Variants in CHN1 observed in about 807,000 individuals in gnomAD.
CHN1 encodes the protein chimerin 1.
A neutral mutation model predicts 59.5 loss-of-function variants in CHN1; 37 were observed. The ratio of observed to expected loss-of-function variants is 0.62; its 90% CI spans 0.48 to 0.82. The LOEUF is 0.82. Ranked by LOEUF, CHN1 falls within the 40% of genes least tolerant of loss-of-function variation. The pLI is 0.00. For missense variants in CHN1, 469 were observed against 571.0 expected (o/e 0.82, Z 1.82); for synonymous variants, 206 against 200.4 (o/e 1.03, Z -0.24).
intron 1 of CHN1, among the ~76,000 whole-genome samples, chr2:174,953,868 A>G (rs1269240070): frequency 1.3e-5 from 2 of 152,146 alleles, no homozygotes; most frequent in Non-Finnish European, 2.9e-5. Flanking sequence ...CCATACTACC[A>G]AAAGTAATCT....
chr2:174,934,914 T>C (rs181640122), intron 3 of CHN1, among the ~76,000 whole-genome samples: 47 of 152,312 alleles, frequency 3.1e-4, no homozygotes, highest in African/African-American at 9.4e-4. Context: ...TTCTTTTCAC[T>C]TATCACAAGG....
intron 5 of CHN1, among the ~76,000 whole-genome samples, chr2:174,888,410 G>A (rs762611445): frequency 2.0e-4 from 31 of 152,132 alleles, no homozygotes; most frequent in Non-Finnish European, 2.4e-4. Context: ...ACCATAAGGC[G>A]GCGATTGTAG....
At chr2:174,943,676 CCTT>C (rs1251164504) in intron 3 of CHN1, among the ~76,000 whole-genome samples, 4 of 152,140 alleles carry the variant, frequency 2.6e-5, no homozygotes, top group East Asian at 1.9e-4. Flanking sequence ...TTCATCCACT[CCTT>C]ATCATATTAT....
intron 7 of CHN1, among the ~76,000 whole-genome samples, chr2:174,825,680 C>A (rs1428871595): frequency 1.3e-5 from 2 of 152,140 alleles, no homozygotes; most frequent in Non-Finnish European, 2.9e-5. Context: ...ACAATTGATT[C>A]CAACATATCT....
chr2:174,877,976 G>A lies in CHN1; in HGVS notation c.413C>T (p.Thr138Met), dbSNP rs200087044. 74 of 1,613,582 alleles carry A rather than the reference G, an allele frequency of 4.6e-5. No homozygotes were observed. The highest frequency in any genetic ancestry group is 1.6e-4 in the Middle Eastern group (1 of 6,084). Residue 138 changes from threonine to methionine, a missense_variant, in exon 6 of 13, where the codon ACG becomes ATG. By Grantham distance (81) the Thr-to-Met change is moderately conservative. Around this residue, in one of 5 missense-constraint regions of CHN1, gnomAD observed 8 missense variants for 25.4 expected, o/e 0.32. Transcript: ENST00000409900. ...TACGTGCTCATAAATTGGGTTTATC[G>A]TCATCTTGGCAATGTATTCTGCTGC... ...TKAAEYIAKMTINPIYEHVGY... is the reference protein window; with the variant it reads ...TKAAEYIAKMMINPIYEHVGY...
chr2:174,952,189 A>G lies in CHN1; in HGVS notation c.33T>C (p.Tyr11=). The change falls in exon 2 of 13, where the codon TAT becomes TAC. Residue 11 remains tyrosine (Y), a synonymous_variant. Coordinates refer to ENST00000409900, the MANE Select transcript of CHN1 (RefSeq NM_001822.7). ...AGTAAGATTTCCAAACAGGAGGTCT[A>G]TATTCATCTGTATCTGAAAGAAAAA... MALTLFDTDE[Y]RPPVWKSYLY... The G allele has an allele frequency of 6.8e-7, 1 of 1,467,072 alleles. No homozygotes were observed. Among genetic ancestry groups the G allele is most frequent in the Non-Finnish European group, 9.0e-7 (1 of 1,106,834 alleles). 90.9% of individuals were successfully genotyped at this position (1,467,072 alleles called of 1,614,324 possible).
intron 1 of CHN1, among the ~76,000 whole-genome samples, chr2:174,961,759 T>G (rs952580244): frequency 6.6e-6 from 1 of 152,160 alleles, no homozygotes; most frequent in African/African-American, 2.4e-5. Context: ...GACAGCTGGA[T>G]TCTCATATCT....
chr2:174,902,886 C>T (rs1051359533), intron 5 of CHN1, among the ~76,000 whole-genome samples: 2 of 152,170 alleles, frequency 1.3e-5, no homozygotes, highest in African/African-American at 4.8e-5. Context: ...TGGCCAAGCT[C>T]ACTTTATAAG....
chr2:174,842,383 G>A (rs368284144), intron 7 of CHN1, among the ~76,000 whole-genome samples: 3 of 151,954 alleles, frequency 2.0e-5, no homozygotes, highest in Admixed American at 6.6e-5. Flanking sequence ...TCAAATCAAC[G>A]TATTGAAAAT....
rs1380114873 is a variant in CHN1, at chr2:174,800,278, G to A, written c.1218C>T (p.Leu406=). 2 of 1,434,204 alleles carry A rather than the reference G, an allele frequency of 1.4e-6. No homozygotes were observed. The highest frequency in any genetic ancestry group is 2.8e-5 in the African/African-American group (2 of 70,190). The allele number at this position is 1,434,204 out of a possible 1,614,324, so 88.8% of individuals were successfully genotyped here. A position where few individuals can be genotyped will look rare whatever the true frequency, so the allele number is the denominator to read the frequency against. Reference sequence around the variant, plus strand: ...CATTCATAAGATTCTCCTTTTCGTGGAGGGTCACTCTGAAAAATGCAAGTA... The same window carrying A: ...CATTCATAAGATTCTCCTTTTCGTGAAGGGTCACTCTGAAAAATGCAAGTA... ...YLMAHLKRVT[L]HEKENLMNAE... Residue 406 remains leucine (L), a synonymous_variant, in exon 13 of 13, where the codon CTC becomes CTT. Transcript: ENST00000409900.
chr2:174,826,098 G>A lies in CHN1; in HGVS notation c.628-1580C>T, dbSNP rs564794783. 2.6e-4 allele frequency among the ~76,000 whole-genome samples: 40 copies of A among 152,286 alleles called. No homozygotes were observed. In the South Asian group the frequency reaches 8.1e-3, roughly 31 times the overall value. ...CTCTTTGCTGTTGCCAACTGAGTCTGAGTACAAAATTTTATGTTGATTTTG... is the reference window on the plus strand; with the variant it reads ...CTCTTTGCTGTTGCCAACTGAGTCTAAGTACAAAATTTTATGTTGATTTTG... On this transcript the variant is annotated intron_variant, in intron 7 of 12. Transcript: ENST00000409900.
intron 11 of CHN1, among the ~76,000 whole-genome samples, chr2:174,806,113 A>G (rs555185806): frequency 4.0e-4 from 61 of 152,130 alleles, no homozygotes; most frequent in African/African-American, 1.3e-3. Flanking sequence ...TAGGGCAGCA[A>G]TGTCTTAACT....
In CHN1 at chr2:174,982,823, CT is replaced by C. The variant is rs199978122; in HGVS notation, c.19+22070del. On this transcript the variant is annotated intron_variant, in intron 1 of 12. Coordinates refer to ENST00000409900, the MANE Select transcript of CHN1 (RefSeq NM_001822.7). Reference sequence around the variant, plus strand: ...GTTATATATCAAGAAATATTGTGTTCTTTTTTTAATTTAAAATTTAAAACAT... The same window carrying C: ...GTTATATATCAAGAAATATTGTGTTCTTTTTTAATTTAAAATTTAAAACAT... Among the ~76,000 whole-genome samples the C allele has an allele frequency of 5.9e-3, 904 of 152,096 alleles. 4 individuals are homozygous for C. Among genetic ancestry groups the C allele is most frequent in the Non-Finnish European group, 9.0e-3 (612 of 67,968 alleles).
intron 3 of CHN1, among the ~76,000 whole-genome samples, chr2:174,933,323 C>A (rs1689406369): frequency 6.6e-6 from 1 of 151,730 alleles, no homozygotes; most frequent in Non-Finnish European, 1.5e-5. Flanking sequence ...TTGGGGGCAC[C>A]CCAAAATCAA....
chr2:175,000,253 T>C (rs1025430512), intron 1 of CHN1, among the ~76,000 whole-genome samples: 2 of 151,394 alleles, frequency 1.3e-5, no homozygotes, highest in Non-Finnish European at 2.9e-5. Flanking sequence ...GCGATTCTCC[T>C]GCTTCAGCCT....
At chr2:174,968,446 G>C (rs192717315) in intron 1 of CHN1, among the ~76,000 whole-genome samples, 35 of 152,326 alleles carry the variant, frequency 2.3e-4, no homozygotes, top group South Asian at 6.2e-4. Context: ...ACAAATGAGC[G>C]GAGTTGGATA....
At chr2:174,983,552 GGGCACGGT>G (rs1218721290) in intron 1 of CHN1, among the ~76,000 whole-genome samples, 2 of 151,932 alleles carry the variant, frequency 1.3e-5, no homozygotes, top group Non-Finnish European at 2.9e-5. Context: ...CTAGACGGCC[GGGCACGGT>G]GGCTCATGCT....
At chr2:174,838,999 A>G (rs910606958) in intron 7 of CHN1, among the ~76,000 whole-genome samples, 15 of 151,836 alleles carry the variant, frequency 9.9e-5, no homozygotes, top group Middle Eastern at 6.8e-3. Flanking sequence ...CCTCGGCGAC[A>G]GAGTGAGACT....
chr2:174,937,322 T>C (rs1463941694), intron 3 of CHN1, among the ~76,000 whole-genome samples: 1 of 152,176 alleles, frequency 6.6e-6, no homozygotes, highest in Non-Finnish European at 1.5e-5. Context: ...TTACTGAATT[T>C]GTAAGCTGTG....
Sources: allele counts gnomAD v4.1 joint callset (sites outside exome capture counted in the v4.1 genomes callset), GRCh38; gene constraint gnomAD v4.1.1; regional missense constraint gnomAD v4.1.1; transcripts MANE v1.5; gene names NCBI Gene and HGNC (gene_info 2026-07-23, HGNC 2026-07-21).